Variants in PDSS2 observed in about 807,000 individuals in gnomAD.
The protein encoded by PDSS2 is all trans-polyprenyl-diphosphate synthase PDSS2.
A neutral mutation model predicts 44.5 loss-of-function variants in PDSS2; 31 were observed. The ratio of observed to expected loss-of-function variants is 0.70; its 90% CI spans 0.52 to 0.94. The LOEUF (loss-of-function observed/expected upper bound fraction) is 0.94, where lower values mean the gene tolerates loss of function less well. Among genes scored for constraint, PDSS2 ranks in the 40% least tolerant of loss-of-function variants. The pLI, the probability that PDSS2 is intolerant of heterozygous loss-of-function variation, is 0.00. For synonymous variants in PDSS2, 157 were observed against 180.3 expected, an observed-to-expected ratio of 0.87 and a Z score of 1.03; for missense variants, 452 against 482.2, an observed-to-expected ratio of 0.94 and a Z score of 0.59.
At chr6:107,408,283 G>C (rs1482374725) in intron 1 of PDSS2, among the ~76,000 whole-genome samples, 1 of 152,170 alleles carries the variant, frequency 6.6e-6, no homozygotes, top group Admixed American at 6.5e-5. Flanking sequence ...AAAGTGCTGG[G>C]ATTACAGGCT....
At chr6:107,237,821 G>A (rs1372429486) in intron 4 of PDSS2, among the ~76,000 whole-genome samples, 1 of 150,888 alleles carries the variant, frequency 6.6e-6, no homozygotes, top group African/African-American at 2.4e-5. Flanking sequence ...GCTTGAAGCC[G>A]GGAGGTGGAG....
intron 1 of PDSS2, among the ~76,000 whole-genome samples, chr6:107,446,386 C>A (rs904232697): frequency 2.6e-5 from 4 of 151,998 alleles, no homozygotes; most frequent in African/African-American, 9.7e-5. Flanking sequence ...GTCCCAGGTA[C>A]CCTTCACCCA....
intron 1 of PDSS2, among the ~76,000 whole-genome samples, chr6:107,434,451 G>C (rs756830313): frequency 3.3e-5 from 5 of 152,138 alleles, no homozygotes; most frequent in Non-Finnish European, 4.4e-5. Flanking sequence ...CCTGTCATTT[G>C]CAACAACATA....
chr6:107,249,203 A>C (rs930696512), intron 3 of PDSS2, among the ~76,000 whole-genome samples: 26 of 152,246 alleles, frequency 1.7e-4, no homozygotes, highest in African/African-American at 6.3e-4. Flanking sequence ...AATCTGGAAC[A>C]TAAGTTTCAG....
chr6:107,271,490 C>T (rs905191180), intron 3 of PDSS2, among the ~76,000 whole-genome samples: 2 of 152,150 alleles, frequency 1.3e-5, no homozygotes, highest in Non-Finnish European at 2.9e-5. Flanking sequence ...TTACTGTTTC[C>T]CACTGAACTT....
intron 1 of PDSS2, among the ~76,000 whole-genome samples, chr6:107,448,211 T>C (rs1781750348): frequency 1.3e-5 from 2 of 152,246 alleles, no homozygotes; most frequent in African/African-American, 4.8e-5. Context: ...GTCTTGGCAA[T>C]TAGCATTTGG....
intron 1 of PDSS2, among the ~76,000 whole-genome samples, chr6:107,445,692 T>C (rs9320215): frequency 0.19 from 28,489 of 152,142 alleles, 3,144 homozygotes; most frequent in East Asian, 0.38. Flanking sequence ...GTTTATTCTC[T>C]GCTTGAGAAC....
chr6:107,321,287 C>T (rs1777374649), intron 2 of PDSS2, among the ~76,000 whole-genome samples: 1 of 152,024 alleles, frequency 6.6e-6, no homozygotes, highest in Non-Finnish European at 1.5e-5. Context: ...CGAGAAGTGC[C>T]TCAAAGGTAC....
At position 107,153,247 on chromosome 6, in the gene PDSS2, A is replaced by G. The variant is rs572009730; in HGVS notation, c.*1372T>C. On this transcript the variant is annotated 3_prime_UTR_variant, in exon 8 of 8. Coordinates refer to ENST00000369037, the MANE Select transcript of PDSS2 (RefSeq NM_020381.4). ...GAGGAAGAAAGGTAGCTGAGTTTCA[A>G]TCTAGATCATTTATGTAAACTCAGC... 1 of 152,766 alleles carries G rather than the reference A, an allele frequency of 6.5e-6. No individual in the cohort carries two copies. Among genetic ancestry groups the G allele is most frequent in the Non-Finnish European group, 1.5e-5 (1 of 68,042 alleles). The allele number at this position is 152,766 out of a possible 1,614,324, so 9.5% of individuals were successfully genotyped here. A position where few individuals can be genotyped will look rare whatever the true frequency, so the allele number is the denominator to read the frequency against.
At chr6:107,445,978 CTCTT>C (rs879723040) in intron 1 of PDSS2, among the ~76,000 whole-genome samples, 1 of 152,178 alleles carries the variant, frequency 6.6e-6, no homozygotes, top group Admixed American at 6.5e-5. Context: ...CATGCTCTCT[CTCTT>C]TCTCTCTGGA....
intron 4 of PDSS2, among the ~76,000 whole-genome samples, chr6:107,241,085 C>T (rs1319801630): frequency 6.6e-6 from 1 of 151,640 alleles, no homozygotes; most frequent in Non-Finnish European, 1.5e-5. Flanking sequence ...CTCGTCTCTA[C>T]TGAAAATACA....
In PDSS2 at chr6:107,154,715, A is replaced by G; in HGVS notation, c.1104T>C (p.His368=). ...VTSAIDLCRY[H]GNKALEALES... The stretch of plus-strand genomic sequence containing the variant: ...CCAGGGCCTCCAGTGCCTTGTTTCC[A>G]TGGTAACGACACAGGTCAATAGCTG... Residue 368 remains histidine, a synonymous_variant, in exon 8 of 8, where the codon CAT becomes CAC. Coordinates refer to ENST00000369037, the MANE Select transcript of PDSS2 (RefSeq NM_020381.4). 6.2e-7 allele frequency: 1 copy of G among 1,614,104 alleles called. No homozygotes were observed. Among genetic ancestry groups the G allele is most frequent in the African/African-American group, 1.3e-5 (1 of 75,034 alleles).
intron 1 of PDSS2, among the ~76,000 whole-genome samples, chr6:107,424,713 T>C (rs973942964): frequency 9.9e-5 from 15 of 152,228 alleles, no homozygotes; most frequent in African/African-American, 3.6e-4. Context: ...TTGGTATATG[T>C]CTTTCAAAGT....
chr6:107,210,382 T>C (rs762744197), intron 6 of PDSS2, 57 bp downstream of exon 6: 1 of 1,267,870 alleles, frequency 7.9e-7, no homozygotes, highest in Non-Finnish European at 1.1e-6. Context: ...ATATCAATTA[T>C]GTTCTAAAAT....
intron 1 of PDSS2, among the ~76,000 whole-genome samples, chr6:107,353,913 T>C (rs886742719): frequency 6.6e-6 from 1 of 152,224 alleles, no homozygotes; most frequent in African/African-American, 2.4e-5. Context: ...TCAGTAGTTT[T>C]GGAAATGTAG....
intron 1 of PDSS2, among the ~76,000 whole-genome samples, chr6:107,373,142 C>T (rs1238757203): frequency 1.3e-5 from 2 of 152,104 alleles, no homozygotes; most frequent in South Asian, 2.1e-4. Flanking sequence ...TGCCACCATG[C>T]CCAGCTAATT....
At chr6:107,455,599 C>T (rs1299730862) in intron 1 of PDSS2, among the ~76,000 whole-genome samples, 1 of 151,500 alleles carries the variant, frequency 6.6e-6, no homozygotes, top group African/African-American at 2.4e-5. Flanking sequence ...ACTAAAAATA[C>T]AAAAATTAGC....
At chr6:107,454,174 T>A (rs1305565108) in intron 1 of PDSS2, among the ~76,000 whole-genome samples, 1 of 151,590 alleles carries the variant, frequency 6.6e-6, no homozygotes, top group East Asian at 1.9e-4. Flanking sequence ...CAGCCTCCCA[T>A]GTAGCTAAGA....
intron 1 of PDSS2, among the ~76,000 whole-genome samples, chr6:107,432,643 G>A (rs1781226409): frequency 6.6e-6 from 1 of 152,148 alleles, no homozygotes; most frequent in Admixed American, 6.5e-5. Context: ...AGGCGTGGTG[G>A]TGCACGCCTG....
Sources: gnomAD v4.1 joint callset for allele counts (sites outside exome capture counted in the v4.1 genomes callset) on GRCh38, gnomAD v4.1.1 for gene constraint, MANE v1.5 for transcripts, NCBI Gene and HGNC (gene_info 2026-07-23, HGNC 2026-07-21) for gene names.